HEXB: variants seen among roughly 807,000 people sequenced by gnomAD.
HEXB encodes the protein hexosaminidase subunit beta.
Under a neutral mutation model 71.2 loss-of-function variants are expected in HEXB, and 51 were observed. That is an observed-to-expected ratio of 0.72 (90% CI 0.57 to 0.90). HEXB has a LOEUF of 0.90. Among genes scored for constraint, HEXB ranks in the 40% least tolerant of loss-of-function variants. The pLI is 0.00. For missense variants in HEXB, 617 were observed against 677.0 expected (o/e 0.91, Z 0.98); for synonymous variants, 266 against 249.3 (o/e 1.07, Z -0.63).
At chr5:74,675,439 A>C (rs1748613602) in intron 1 of HEXB, among the ~76,000 whole-genome samples, 2 of 152,190 alleles carry the variant, frequency 1.3e-5, no homozygotes, top group Non-Finnish European at 2.9e-5. Context: ...GGTCTTTGTC[A>C]GTTGATACAT....
chr5:74,705,370 C>A (rs1193070907), intron 6 of HEXB, 50 bp downstream of exon 6: 1 of 976,268 alleles, frequency 1.0e-6, no homozygotes, highest in Admixed American at 1.7e-5. Flanking sequence ...GGTATAGTTT[C>A]ATTACAAGTT....
intron 1 of HEXB, among the ~76,000 whole-genome samples, chr5:74,675,669 G>A (rs1748617337): frequency 6.6e-6 from 1 of 152,128 alleles, no homozygotes; most frequent in African/African-American, 2.4e-5. Context: ...GCCATATTAA[G>A]GATCCTATAT....
In HEXB at chr5:74,651,697, T is replaced by C. The variant is rs73113491; in HGVS notation, c.-377+11139T>C. 6.5e-3 allele frequency among the ~76,000 whole-genome samples: 997 copies of C among 152,332 alleles called. 10 individuals carry two copies. The highest frequency in any genetic ancestry group is 0.022 in the African/African-American group (911 of 41,584). On this transcript the variant is annotated intron_variant, in intron 1 of 13. Coordinates refer to the HEXB transcript ENST00000511181. Reference sequence around the variant, plus strand: ...CCTGTACAAATAACCGAGGTCTCTTTTGAAGCATGAACCTTTCTATGGATA... The same window carrying C: ...CCTGTACAAATAACCGAGGTCTCTTCTGAAGCATGAACCTTTCTATGGATA...
At chr5:74,711,726 A>G (rs1299161551) in intron 6 of HEXB, among the ~76,000 whole-genome samples, 1 of 152,142 alleles carries the variant, frequency 6.6e-6, no homozygotes, top group Non-Finnish European at 1.5e-5. Flanking sequence ...AATCAAAACC[A>G]CAATGAGATA....
rs754299747 is a variant in HEXB at position 74,685,243 on chromosome 5, G to A, written c.-18G>A. 1.3e-6 allele frequency: 2 copies of A among 1,494,934 alleles called. No individual in the cohort carries two copies. The highest frequency in any genetic ancestry group is 2.7e-5 in the East Asian group (1 of 36,692). The allele number at this position is 1,494,934 out of a possible 1,614,324, so 92.6% of individuals were successfully genotyped here. A position where few individuals can be genotyped will look rare whatever the true frequency, so the allele number is the denominator to read the frequency against. Reference sequence around the variant, plus strand: ...AGGCTCCGGCTCGGCAGACCGGGCGGAAAGCAGCCGAGCGGCCATGGAGCT... The same window carrying A: ...AGGCTCCGGCTCGGCAGACCGGGCGAAAAGCAGCCGAGCGGCCATGGAGCT... On this transcript the variant is annotated 5_prime_UTR_variant, in exon 1 of 14. Transcript: ENST00000261416.
chr5:74,659,833 C>G (rs916667444), intron 1 of HEXB, among the ~76,000 whole-genome samples: 3 of 152,126 alleles, frequency 2.0e-5, no homozygotes, highest in African/African-American at 7.2e-5. Context: ...AAATTTAAAC[C>G]TTAAAACTTT....
Position 74,685,291 on chromosome 5 carries a change from C to A in HEXB, c.31C>A (p.Pro11Thr). Residue 11 changes from proline (P) to threonine (T), a missense_variant, in exon 1 of 14, where the codon CCG becomes ACG. Physicochemically the swap from Pro to Thr is conservative, Grantham distance 38 (BLOSUM62 -1). Transcript: ENST00000261416. The part of the protein sequence containing the change: MELCGLGLPR[P>T]PMLLALLLAT... ...GCTGTGCGGGCTGGGGCTGCCCCGG[C>A]CGCCCATGCTGCTGGCGCTGCTGTT... 1 of 1,551,700 alleles carries A rather than the reference C, an allele frequency of 6.4e-7. No individual in the cohort carries two copies. The highest frequency in any genetic ancestry group is 1.2e-5 in the South Asian group (1 of 85,150).
chr5:74,696,098 C>A (rs1352672606), intron 3 of HEXB, among the ~76,000 whole-genome samples: 2 of 152,094 alleles, frequency 1.3e-5, no homozygotes, highest in Admixed American at 1.3e-4. Context: ...AATTCCCTGG[C>A]TATATAGCTG....
At chr5:74,654,629 A>G (rs1378024010) in intron 1 of HEXB, among the ~76,000 whole-genome samples, 1 of 152,172 alleles carries the variant, frequency 6.6e-6, no homozygotes, top group East Asian at 1.9e-4. Context: ...TGAGCTGGGT[A>G]TGAGAGTTTA....
intron 5 of HEXB, among the ~76,000 whole-genome samples, chr5:74,700,253 C>G (rs1749231292): frequency 6.6e-6 from 1 of 151,562 alleles, no homozygotes; most frequent in African/African-American, 2.4e-5. Context: ...GGCAATCTGC[C>G]CACCTCGGCC....
chr5:74,719,007 CTG>C (rs776961763), intron 11 of HEXB, 36 bp downstream of exon 11: 1 of 1,601,758 alleles, frequency 6.2e-7, no homozygotes, highest in Non-Finnish European at 8.6e-7. Context: ...TTGTGGGTTA[CTG>C]TGAAGCTGAT....
intron 1 of HEXB, among the ~76,000 whole-genome samples, chr5:74,668,095 T>C (rs1748466947): frequency 6.6e-6 from 1 of 152,160 alleles, no homozygotes; most frequent in Non-Finnish European, 1.5e-5. Flanking sequence ...TTAATTGTGA[T>C]CCATTTGGAG....
At chr5:74,708,750 A>C (rs1235183804) in intron 6 of HEXB, among the ~76,000 whole-genome samples, 11 of 150,852 alleles carry the variant, frequency 7.3e-5, no homozygotes, top group African/African-American at 2.7e-4. Flanking sequence ...AACTATCCTA[A>C]ATATATATGC....
rs571926146 is a variant in HEXB at position 74,641,450 on chromosome 5, C to G, written c.-377+892C>G. On this transcript the variant is annotated intron_variant, in intron 1 of 13. Transcript: ENST00000511181. This position sits in a 1 kb window ranked among gnomAD's most constrained non-coding sequence, Gnocchi z 4.1. ...GCCCTAAGCCAGGCGACTGCAGGGGCAGCCGGGGCGCAGTCCTGCGGGGCG... is the reference window on the plus strand; with the variant it reads ...GCCCTAAGCCAGGCGACTGCAGGGGGAGCCGGGGCGCAGTCCTGCGGGGCG... 1 of 152,466 alleles carries G rather than the reference C, an allele frequency of 6.6e-6. No individual in the cohort carries two copies. Among genetic ancestry groups the G allele is most frequent in the Admixed American group, 6.5e-5 (1 of 15,314 alleles). The allele number at this position is 152,466 out of a possible 1,614,324, so 9.4% of individuals were successfully genotyped here.
chr5:74,685,619 G>A (rs992089303), intron 1 of HEXB, 60 bp downstream of exon 1: 6 of 1,456,618 alleles, frequency 4.1e-6, no homozygotes, highest in East Asian at 2.3e-5. Flanking sequence ...GGACCACCCC[G>A]GAGCGCTGTG....
intron 5 of HEXB, among the ~76,000 whole-genome samples, chr5:74,698,685 T>C (rs1580384708): frequency 6.6e-6 from 1 of 152,020 alleles, no homozygotes; most frequent in South Asian, 2.1e-4. Context: ...CCACCACGCC[T>C]GGCCTAAAAA....
intron 1 of HEXB, among the ~76,000 whole-genome samples, chr5:74,649,629 T>C (rs1392241837): frequency 6.6e-6 from 1 of 152,224 alleles, no homozygotes. Context: ...TTCTAAGAAA[T>C]GATTTTCTTG....
intron 5 of HEXB, among the ~76,000 whole-genome samples, chr5:74,704,124 T>C (rs1749324749): frequency 6.6e-6 from 1 of 152,252 alleles, no homozygotes; most frequent in Non-Finnish European, 1.5e-5. Context: ...GTAAAATGTT[T>C]ACCAACCCCT....
intron 1 of HEXB, among the ~76,000 whole-genome samples, chr5:74,646,091 T>G (rs1287952437): frequency 6.6e-6 from 1 of 152,110 alleles, no homozygotes; most frequent in Non-Finnish European, 1.5e-5. Flanking sequence ...TAATCTGTAG[T>G]ATGGGATAGT....
Sources: allele counts gnomAD v4.1 joint callset (sites outside exome capture counted in the v4.1 genomes callset), GRCh38; gene constraint gnomAD v4.1.1; non-coding constraint Gnocchi (gnomAD v3.1); transcripts MANE v1.5; gene names NCBI Gene and HGNC (gene_info 2026-07-23, HGNC 2026-07-21).